The following CPNE4 variants were observed in gnomAD, a reference collection of about 807,000 sequenced individuals.
CPNE4 encodes copine-4.
A neutral mutation model predicts 67.9 loss-of-function variants in CPNE4; 25 were observed. That is an observed-to-expected ratio of 0.37 (90% CI 0.27 to 0.51). The LOEUF is 0.51. Among genes scored for constraint, CPNE4 ranks in the 20% least tolerant of loss-of-function variants. CPNE4 has a pLI of 0.93. For missense variants in CPNE4, 464 were observed against 690.8 expected, an observed-to-expected ratio of 0.67 and a Z score of 3.68; for synonymous variants, 242 against 244.9, an observed-to-expected ratio of 0.99 and a Z score of 0.11.
chr3:131,886,222 G>T lies in CPNE4; in HGVS notation c.180+19042C>A, dbSNP rs535279724. ...CCAGCTGCTCCAGCCGTGGCTGAAA[G>T]GGGCCAATGTGGAGCTTGGAATTCA... On this transcript the variant is annotated intron_variant, in intron 2 of 15. Coordinates refer to ENST00000429747, the MANE Select transcript of CPNE4 (RefSeq NM_130808.3). Among the ~76,000 whole-genome samples the T allele has an allele frequency of 3.3e-5, 5 of 152,358 alleles. No homozygotes were observed. The South Asian group carries it at 8.3e-4, about 25-fold the overall frequency.
At chr3:131,598,523 T>G (rs56081736) in intron 7 of CPNE4, among the ~76,000 whole-genome samples, 20,576 of 152,178 alleles carry the variant, frequency 0.14, 1,939 homozygotes, top group African/African-American at 0.26. Flanking sequence ...TCACCAGAGG[T>G]CCATGAGATG....
intron 2 of CPNE4, among the ~76,000 whole-genome samples, chr3:131,798,266 C>T (rs1250525915): frequency 1.3e-5 from 2 of 151,956 alleles, no homozygotes; most frequent in Admixed American, 6.6e-5. Context: ...TGAACCTGTG[C>T]CGTAATTATG....
chr3:131,616,352 G>A (rs7638588), intron 7 of CPNE4, among the ~76,000 whole-genome samples: 20,851 of 152,126 alleles, frequency 0.14, 2,087 homozygotes, highest in African/African-American at 0.28. Flanking sequence ...GCTGCTCTGA[G>A]TTCTGAAAGA....
chr3:131,571,855 G>C (rs1309207888), intron 10 of CPNE4, among the ~76,000 whole-genome samples: 1 of 151,930 alleles, frequency 6.6e-6, no homozygotes, highest in Non-Finnish European at 1.5e-5. Context: ...ACCCCAAACT[G>C]CTTCCCCAAT....
chr3:131,634,284 A>G (rs887361101), intron 7 of CPNE4, among the ~76,000 whole-genome samples: 2 of 152,208 alleles, frequency 1.3e-5, no homozygotes, highest in African/African-American at 2.4e-5. Context: ...CCATTCACTG[A>G]CTTAATAAGT....
At chr3:131,709,142 A>G (rs1431513921) in intron 3 of CPNE4, among the ~76,000 whole-genome samples, 12 of 151,742 alleles carry the variant, frequency 7.9e-5, no homozygotes, top group Non-Finnish European at 1.8e-4. Context: ...TAGGCTTTTT[A>G]TTAGTTATCT....
chr3:131,778,329 T>C (rs915422114), intron 2 of CPNE4, among the ~76,000 whole-genome samples: 32 of 152,084 alleles, frequency 2.1e-4, no homozygotes, highest in Admixed American at 2.0e-3. Flanking sequence ...AGCGTATGTC[T>C]AGCTCGAGTC....
At chr3:131,868,369 C>A (rs2087049096) in intron 2 of CPNE4, among the ~76,000 whole-genome samples, 1 of 152,120 alleles carries the variant, frequency 6.6e-6, no homozygotes, top group Admixed American at 6.6e-5. Context: ...TTCTTTCTGG[C>A]TGAAATGCAG....
At chr3:131,890,818 A>G (rs943376578) in intron 2 of CPNE4, among the ~76,000 whole-genome samples, 4 of 152,162 alleles carry the variant, frequency 2.6e-5, no homozygotes, top group Non-Finnish European at 1.5e-5. Context: ...TGGAACAGAA[A>G]GATATGATGC....
intron 2 of CPNE4, among the ~76,000 whole-genome samples, chr3:131,830,913 A>C (rs1485088491): frequency 6.6e-6 from 1 of 152,144 alleles, no homozygotes; most frequent in African/African-American, 2.4e-5. Flanking sequence ...TACAAGGTAC[A>C]AAGATACAAG....
At chr3:131,719,006 G>A (rs921669575) in intron 3 of CPNE4, among the ~76,000 whole-genome samples, 1 of 152,182 alleles carries the variant, frequency 6.6e-6, no homozygotes, top group Non-Finnish European at 1.5e-5. Flanking sequence ...TGTGGGAAAG[G>A]CCAACCCCAC....
chr3:131,943,040 ATG>A (rs1271419410), intron 1 of CPNE4, among the ~76,000 whole-genome samples: 1 of 152,168 alleles, frequency 6.6e-6, no homozygotes, highest in African/African-American at 2.4e-5. Context: ...CTGGTGTTAG[ATG>A]TGTTATGGAA....
chr3:131,729,465 T>C (rs1321363455), intron 2 of CPNE4, among the ~76,000 whole-genome samples: 1 of 152,156 alleles, frequency 6.6e-6, no homozygotes, highest in African/African-American at 2.4e-5. Flanking sequence ...CATTATTCAA[T>C]TTCAGGATTT....
chr3:131,902,423 G>GT (rs1323738429), intron 2 of CPNE4, among the ~76,000 whole-genome samples: 2 of 152,062 alleles, frequency 1.3e-5, no homozygotes, highest in African/African-American at 4.8e-5. Context: ...AGAATCTATT[G>GT]TAGGAACTCA....
chr3:131,838,844 C>T (rs964587512), intron 2 of CPNE4, among the ~76,000 whole-genome samples: 2 of 151,292 alleles, frequency 1.3e-5, no homozygotes, highest in African/African-American at 4.8e-5. Context: ...TATATATATG[C>T]ACATATGTGA....
At chr3:131,674,183 G>A (rs1041258688) in intron 6 of CPNE4, among the ~76,000 whole-genome samples, 1 of 151,930 alleles carries the variant, frequency 6.6e-6, no homozygotes, top group Admixed American at 6.6e-5. Flanking sequence ...CATGGTGCAT[G>A]ATCTTTTTCA....
At chr3:131,785,677 C>T (rs2369222) in intron 2 of CPNE4, among the ~76,000 whole-genome samples, 1 of 26,856 alleles carries the variant, frequency 3.7e-5, no homozygotes, top group African/African-American at 8.3e-5. Flanking sequence ...CTCTTTCTCT[C>T]TCTCTCTCTC....
rs149805774 is a variant in CPNE4, at chr3:131,614,738, A to G, written c.682-27156T>C. Among the ~76,000 whole-genome samples the G allele has an allele frequency of 2.8e-3, 424 of 152,280 alleles. 4 individuals carry two copies. Among genetic ancestry groups the G allele is most frequent in the African/African-American group, 9.0e-3 (373 of 41,570 alleles). ...GACAGAGAATGGTGAAAAAGAACCA[A>G]TGTATATGGCATTCATCCTTAGGTA... On this transcript the variant is annotated intron_variant, in intron 7 of 15. Coordinates refer to ENST00000429747, the MANE Select transcript of CPNE4 (RefSeq NM_130808.3).
At chr3:131,697,293 AAAAT>A (rs2081177220) in intron 4 of CPNE4, among the ~76,000 whole-genome samples, 1 of 152,230 alleles carries the variant, frequency 6.6e-6, no homozygotes, top group Non-Finnish European at 1.5e-5. Flanking sequence ...AGTCAGGAGA[AAAAT>A]AATGACAACA....
Sources: allele counts gnomAD v4.1 joint callset (sites outside exome capture counted in the v4.1 genomes callset), GRCh38; gene constraint gnomAD v4.1.1; transcripts MANE v1.5; gene names NCBI Gene and HGNC (gene_info 2026-07-23, HGNC 2026-07-21).